The following NUP93 variants were observed in gnomAD, a reference collection of about 807,000 sequenced individuals.
NUP93 encodes the protein nuclear pore complex protein Nup93.
In NUP93, 55 loss-of-function variants were observed where a neutral mutation model predicts 107.8. That is an observed-to-expected ratio of 0.51 (90% CI 0.41 to 0.64). The LOEUF is 0.64. Ranked by LOEUF, NUP93 falls within the 30% of genes least tolerant of loss-of-function variation. The probability of loss-of-function intolerance (pLI) is 0.00; values close to 1 mark genes in which losing one functional copy is unlikely to be tolerated. For missense variants in NUP93, 937 were observed against 1,044.7 expected, an observed-to-expected ratio of 0.90 and a Z score of 1.42; for synonymous variants, 390 against 397.5, an observed-to-expected ratio of 0.98 and a Z score of 0.22.
chr16:56,809,718 T>A (rs1270399327), intron 5 of NUP93, among the ~76,000 whole-genome samples: 3 of 152,100 alleles, frequency 2.0e-5, no homozygotes, highest in Non-Finnish European at 2.9e-5. Context: ...CTATTCCTGG[T>A]TTGTTCCTGA....
intron 20 of NUP93, 49 bp from the exon 21 acceptor site, chr16:56,841,656 C>T (rs750540594): frequency 6.2e-7 from 1 of 1,602,638 alleles, no homozygotes; most frequent in South Asian, 1.1e-5. Flanking sequence ...CTGTGGTTGG[C>T]CCCAAAGGCT....
Position 56,834,113 on chromosome 16 carries a change from A to AC in NUP93, c.1538-10dup, listed in dbSNP as rs564517289. On this transcript the variant is annotated splice_polypyrimidine_tract_variant and intron_variant, in intron 13 of 21. Coordinates refer to ENST00000308159, the MANE Select transcript of NUP93 (RefSeq NM_014669.5). ...GGCAGTGTGGTTGTGACCCATTCTG[A>AC]CCCCCACAATGCAGTCAGCCACGAG... 5.6e-4 allele frequency: 910 copies of AC among 1,612,328 alleles called. 2 individuals carry two copies. The African/African-American group carries it at 9.4e-3, about 17-fold the overall frequency.
At chr16:56,839,747 A>G in intron 20 of NUP93, 143 bp downstream of exon 20, 1 of 696,014 alleles carries the variant, frequency 1.4e-6, no homozygotes, top group Non-Finnish European at 2.6e-6. Flanking sequence ...TCCCTTTCAG[A>G]TACCTTGGCC....
chr16:56,783,809 T>C (rs763664358), intron 3 of NUP93: 6 of 985,308 alleles, frequency 6.1e-6, no homozygotes, highest in Non-Finnish European at 7.2e-6. Flanking sequence ...GCACATTGTA[T>C]AGAAGAGTTC....
At chr16:56,772,576 G>A (rs1962341407) in intron 3 of NUP93, among the ~76,000 whole-genome samples, 1 of 152,188 alleles carries the variant, frequency 6.6e-6, no homozygotes, top group African/African-American at 2.4e-5. Flanking sequence ...CCCCATCAGG[G>A]GCCTGGAAGC....
In NUP93 at chr16:56,748,353, A is replaced by T; in HGVS notation, c.106A>T (p.Ile36Phe). ...CCATGTGGAACGGAACTTACAGGAG[A>T]TCCAGCAGGCGGGAGAGCGCCTGCG... Reference protein sequence around the residue: ...LPHVERNLQEIQQAGERLRSR... With the variant: ...LPHVERNLQEFQQAGERLRSR... The change falls in exon 2 of 22, where the codon ATC (isoleucine) becomes TTC (phenylalanine). Residue 36 changes from isoleucine to phenylalanine, a missense_variant. Physicochemically the swap from Ile to Phe is conservative, Grantham distance 21. Coordinates refer to ENST00000308159, the MANE Select transcript of NUP93 (RefSeq NM_014669.5). 6.2e-7 allele frequency: 1 copy of T among 1,614,022 alleles called. No individual in the cohort carries two copies. Among genetic ancestry groups the T allele is most frequent in the South Asian group, 1.1e-5 (1 of 91,080 alleles).
intron 3 of NUP93, among the ~76,000 whole-genome samples, chr16:56,787,520 C>A (rs1387178346): frequency 6.6e-6 from 1 of 152,176 alleles, no homozygotes; most frequent in Non-Finnish European, 1.5e-5. Flanking sequence ...CGAGACACAC[C>A]CTCTGCTATC....
rs1445441975 is a variant in NUP93, at chr16:56,829,054, A to C, written c.872A>C (p.Gln291Pro). The C allele has an allele frequency of 1.5e-5, 24 of 1,613,442 alleles. No individual in the cohort carries two copies. The highest frequency in any genetic ancestry group is 2.7e-5 in the African/African-American group (2 of 75,062). Residue 291 changes from glutamine (Q) to proline (P), a missense_variant, in exon 9 of 22, where the codon CAA (glutamine) becomes CCA (proline). By Grantham distance (76) the Gln-to-Pro change is moderately conservative. Transcript: ENST00000308159. ...CTGGGCGGGGTGCCTGGGACTTACC[A>C]ATTGGTTCGAAGTTTCCTGAACATT... ...AQLGGVPGTY[Q>P]LVRSFLNIKL...
At chr16:56,801,447 C>G (rs1307372056) in intron 4 of NUP93, among the ~76,000 whole-genome samples, 1 of 152,162 alleles carries the variant, frequency 6.6e-6, no homozygotes. Context: ...GGGTCTTGCT[C>G]TGTCACCCAG....
intron 19 of NUP93, 157 bp downstream of exon 19, chr16:56,839,226 T>A: frequency 3.1e-6 from 1 of 324,938 alleles, no homozygotes; most frequent in South Asian, 8.7e-5. Context: ...AGGAGTTTCC[T>A]GTGTGGCTTT....
intron 2 of NUP93, among the ~76,000 whole-genome samples, chr16:56,751,386 C>T (rs770783194): frequency 3.9e-5 from 6 of 152,166 alleles, no homozygotes; most frequent in Non-Finnish European, 5.9e-5. Context: ...GTTTGTTAGG[C>T]GCTGTGCCAC....
At position 56,808,527 on chromosome 16, in the gene NUP93, A is replaced by AATATAGTTATGTAACTATAT. The variant is rs1596823307; in HGVS notation, c.489+2905_489+2906insGTAACTATATATATAGTTAT. ...ATATATAGTTATGTAACTATATATA[A>AATATAGTTATGTAACTATAT]ATATAGTTATATAACTATAAATATA... On this transcript the variant is annotated intron_variant, in intron 5 of 21. Transcript: ENST00000308159. Among the ~76,000 whole-genome samples the AATATAGTTATGTAACTATAT allele has an allele frequency of 2.6e-5, 3 of 115,538 alleles. No homozygotes were observed. In the East Asian group the frequency reaches 7.5e-4, roughly 29 times the overall value. 75.8% of individuals were successfully genotyped at this position (115,538 alleles called of 152,430 possible).
At chr16:56,773,532 C>A (rs1375536775) in intron 3 of NUP93, among the ~76,000 whole-genome samples, 3 of 152,194 alleles carry the variant, frequency 2.0e-5, no homozygotes, top group Non-Finnish European at 4.4e-5. Flanking sequence ...CCCTGAACAC[C>A]TTTGGCAACC....
At chr16:56,803,576 A>G (rs989560128) in intron 4 of NUP93, among the ~76,000 whole-genome samples, 4 of 152,148 alleles carry the variant, frequency 2.6e-5, no homozygotes, top group Non-Finnish European at 1.5e-5. Context: ...ACAAAGAAAA[A>G]ATACTGCTAT....
At chr16:56,743,140 TTCAG>T (rs1281256719) in intron 1 of NUP93, among the ~76,000 whole-genome samples, 1 of 152,242 alleles carries the variant, frequency 6.6e-6, no homozygotes, top group Non-Finnish European at 1.5e-5. Flanking sequence ...AGTTATTATA[TTCAG>T]AATGTGGAAA....
chr16:56,833,329 G>A lies in NUP93; in HGVS notation c.1460G>A (p.Cys487Tyr). 1 of 1,606,814 alleles carries A rather than the reference G, an allele frequency of 6.2e-7. No homozygotes were observed. Among genetic ancestry groups the A allele is most frequent in the Non-Finnish European group, 8.5e-7 (1 of 1,177,516 alleles). The change falls in exon 13 of 22, where the codon TGC becomes TAC. Residue 487 changes from cysteine to tyrosine, a missense_variant. Cys to Tyr is a radical substitution (Grantham distance 194, BLOSUM62 -2). Coordinates refer to ENST00000308159, the MANE Select transcript of NUP93 (RefSeq NM_014669.5). ...CTTTTCCGCATGGAGCGGCTGCGCT[G>A]CCATGCTGTCCATGTAGCACTGGTG... ...AFLFRMERLR[C>Y]HAVHVALVLF... is the part of the protein sequence containing the mutation.
Position 56,737,838 on chromosome 16 carries a change from G to A in NUP93, c.-15+7627G>A, listed in dbSNP as rs577698668. ...GGGACCCAGACTTTTGTTAGAATCC[G>A]CACACCTTCTGCCTCCCAAGTTGTG... On this transcript the variant is annotated intron_variant, in intron 1 of 21. Transcript: ENST00000308159. Among the ~76,000 whole-genome samples, 286 of 152,282 alleles carry A rather than the reference G, an allele frequency of 1.9e-3. 1 individual carries two copies. The highest frequency in any genetic ancestry group is 3.2e-3 in the Non-Finnish European group (217 of 68,014).
At chr16:56,811,304 A>G (rs1963310736) in intron 5 of NUP93, among the ~76,000 whole-genome samples, 1 of 152,168 alleles carries the variant, frequency 6.6e-6, no homozygotes, top group South Asian at 2.1e-4. Flanking sequence ...TAACCATTCC[A>G]GTGTGTATGT....
chr16:56,803,660 A>G (rs1963069385), intron 4 of NUP93, among the ~76,000 whole-genome samples: 1 of 152,156 alleles, frequency 6.6e-6, no homozygotes, highest in East Asian at 1.9e-4. Context: ...GCTCAACATC[A>G]TTAATCATTA....
Sources: allele counts gnomAD v4.1 joint callset (sites outside exome capture counted in the v4.1 genomes callset), GRCh38; gene constraint gnomAD v4.1.1; transcripts MANE v1.5; gene names NCBI Gene and HGNC (gene_info 2026-07-23, HGNC 2026-07-21).